Variants in RGS9 observed in about 807,000 individuals in gnomAD.
The protein encoded by RGS9 is regulator of G-protein signalling 9.
Under a neutral mutation model 102.0 loss-of-function variants are expected in RGS9, and 78 were observed. The ratio of observed to expected loss-of-function variants is 0.76; its 90% CI spans 0.64 to 0.92. The LOEUF is 0.92. Ranked by LOEUF, RGS9 falls within the 40% of genes least tolerant of loss-of-function variation. The pLI, the probability that RGS9 is intolerant of heterozygous loss-of-function variation, is 0.00. For missense variants in RGS9, 833 were observed against 866.1 expected (o/e 0.96, Z 0.48); for synonymous variants, 353 against 318.6 (o/e 1.11, Z -1.15).
chr17:65,193,262 AAAAAAAAAG>A (rs1377397148), intron 11 of RGS9, among the ~76,000 whole-genome samples: 2 of 150,600 alleles, frequency 1.3e-5, no homozygotes, highest in African/African-American at 2.4e-5. Flanking sequence ...CTCAAAAAAA[AAAAAAAAAG>A]AAAAAAAAGA....
At chr17:65,179,112 T>G (rs1389558369) in intron 9 of RGS9, among the ~76,000 whole-genome samples, 1 of 151,918 alleles carries the variant, frequency 6.6e-6, no homozygotes, top group South Asian at 2.1e-4. Context: ...TAGCCTAGGG[T>G]GCATCTATAG....
intron 1 of RGS9, among the ~76,000 whole-genome samples, chr17:65,150,216 C>T (rs147561356): frequency 1.4e-4 from 21 of 152,300 alleles, no homozygotes; most frequent in African/African-American, 2.2e-4. Flanking sequence ...CTTTGTTTCC[C>T]GCTGCTGGTT....
intron 7 of RGS9, among the ~76,000 whole-genome samples, chr17:65,163,393 C>T (rs1911062029): frequency 6.6e-6 from 1 of 151,774 alleles, no homozygotes; most frequent in African/African-American, 2.4e-5. Context: ...GGGGTTTCAC[C>T]ATGTTGGCCA....
chr17:65,140,549 G>A (rs1910118194), intron 1 of RGS9, among the ~76,000 whole-genome samples: 1 of 152,140 alleles, frequency 6.6e-6, no homozygotes, highest in Non-Finnish European at 1.5e-5. Flanking sequence ...AATTGGAATG[G>A]GCAAGTGATA....
At chr17:65,137,701 C>A in intron 1 of RGS9, 104 bp downstream of exon 1, 2 of 995,078 alleles carry the variant, frequency 2.0e-6, no homozygotes, top group South Asian at 2.7e-5. Context: ...CCCTTTGGGT[C>A]GATTTGTGCT....
intron 12 of RGS9, among the ~76,000 whole-genome samples, chr17:65,195,524 C>T (rs553349051): frequency 5.3e-5 from 8 of 151,956 alleles, no homozygotes; most frequent in East Asian, 3.9e-4. Context: ...TCAACTGTGC[C>T]GCGTACACTG....
At position 65,207,788 on chromosome 17, in the gene RGS9, C is replaced by T. The variant is rs575894730; in HGVS notation, c.1204-134C>T. The T allele has an allele frequency of 1.3e-4, 82 of 642,786 alleles. 1 individual carries two copies. In the Admixed American group the frequency reaches 1.7e-3, roughly 14 times the overall value. 39.8% of individuals were successfully genotyped at this position (642,786 alleles called of 1,614,324 possible). A position where few individuals can be genotyped will look rare whatever the true frequency, so the allele number is the denominator to read the frequency against. On this transcript the variant is annotated intron_variant, in intron 15 of 18. Coordinates refer to ENST00000262406, the MANE Select transcript of RGS9 (RefSeq NM_003835.4). ...CTGCTCTCAACACCTCCCCCAACAC[C>T]TTTCACCCAAGGAGACAAATTCTCA...
intron 16 of RGS9, 89 bp from the exon 17 acceptor site, chr17:65,210,399 C>T: frequency 1.4e-6 from 2 of 1,472,150 alleles, no homozygotes; most frequent in Non-Finnish European, 1.9e-6. Context: ...TCTGGACCTT[C>T]CAGCCCCAGC....
intron 11 of RGS9, among the ~76,000 whole-genome samples, chr17:65,191,952 G>T (rs904866898): frequency 6.6e-6 from 1 of 152,148 alleles, no homozygotes; most frequent in African/African-American, 2.4e-5. Flanking sequence ...CACATTCACT[G>T]TGGACACAAT....
intron 7 of RGS9, among the ~76,000 whole-genome samples, chr17:65,165,312 C>A (rs910321544): frequency 6.6e-6 from 1 of 152,216 alleles, no homozygotes; most frequent in African/African-American, 2.4e-5. Flanking sequence ...GGACATTCCC[C>A]TCTTTCATTC....
intron 1 of RGS9, among the ~76,000 whole-genome samples, chr17:65,151,661 C>T (rs761520962): frequency 1.3e-5 from 2 of 152,196 alleles, no homozygotes; most frequent in Non-Finnish European, 2.9e-5. Context: ...AAGGCAGACA[C>T]CTTTGCTTCC....
At chr17:65,182,205 C>T (rs1043113018) in intron 9 of RGS9, among the ~76,000 whole-genome samples, 3 of 152,214 alleles carry the variant, frequency 2.0e-5, no homozygotes, top group East Asian at 1.9e-4. Context: ...CAGCCTGGAG[C>T]CCTCACACAC....
chr17:65,188,503 A>G (rs1332424273), intron 9 of RGS9, among the ~76,000 whole-genome samples: 1 of 152,188 alleles, frequency 6.6e-6, no homozygotes, highest in East Asian at 1.9e-4. Flanking sequence ...TCAAATTGTT[A>G]TGACTACTTG....
chr17:65,171,957 T>A (rs1402536754), intron 8 of RGS9, among the ~76,000 whole-genome samples: 1 of 152,246 alleles, frequency 6.6e-6, no homozygotes, highest in Non-Finnish European at 1.5e-5. Flanking sequence ...TGAGGCTGCT[T>A]CCTGGCGGTG....
intron 1 of RGS9, among the ~76,000 whole-genome samples, chr17:65,141,910 C>T (rs1910171575): frequency 6.6e-6 from 1 of 152,088 alleles, no homozygotes; most frequent in Non-Finnish European, 1.5e-5. Flanking sequence ...AGAGCTGGCC[C>T]CAAGTGTACA....
At chr17:65,203,686 T>C (rs1394449343) in intron 14 of RGS9, among the ~76,000 whole-genome samples, 1 of 152,212 alleles carries the variant, frequency 6.6e-6, no homozygotes, top group African/African-American at 2.4e-5. Context: ...GTCAGACCTC[T>C]GGGTTCTGGG....
intron 1 of RGS9, among the ~76,000 whole-genome samples, chr17:65,152,552 A>G (rs1199977439): frequency 6.6e-6 from 1 of 152,158 alleles, no homozygotes; most frequent in Non-Finnish European, 1.5e-5. Context: ...TTAAAAAGAG[A>G]CAGGGTCTCG....
intron 17 of RGS9, among the ~76,000 whole-genome samples, chr17:65,218,559 C>T (rs1913594709): frequency 6.6e-6 from 1 of 152,224 alleles, no homozygotes. Context: ...CTTTGACCTT[C>T]AACCTGTCTG....
chr17:65,140,525 G>A (rs568036409), intron 1 of RGS9, among the ~76,000 whole-genome samples: 38 of 152,212 alleles, frequency 2.5e-4, no homozygotes, highest in African/African-American at 8.2e-4. Context: ...TATCTCATAC[G>A]GAGCCACTAT....
Sources: gnomAD v4.1 joint callset for allele counts (sites outside exome capture counted in the v4.1 genomes callset) on GRCh38, gnomAD v4.1.1 for gene constraint, MANE v1.5 for transcripts, NCBI Gene and HGNC (gene_info 2026-07-23, HGNC 2026-07-21) for gene names.